The following PTK7 variants were observed in gnomAD, a reference collection of about 807,000 sequenced individuals.
PTK7 encodes the protein inactive tyrosine-protein kinase 7.
A neutral mutation model predicts 116.6 loss-of-function variants in PTK7; 39 were observed. The ratio of observed to expected loss-of-function variants is 0.33; its 90% confidence interval spans 0.26 to 0.44. The LOEUF is 0.44. PTK7 is among the 20% of genes least tolerant of loss of function. PTK7 has a pLI of 1.00. For missense variants in PTK7, 1,169 were observed against 1,425.6 expected (o/e 0.82, Z 2.90); for synonymous variants, 546 against 563.6 (o/e 0.97, Z 0.44).
At position 43,144,499 on chromosome 6, in the gene PTK7, T is replaced by A; in HGVS notation, c.2300T>A (p.Val767Glu). ...GQPSAEIQEEVALTSLGSGPA... is the reference protein window; with the variant it reads ...GQPSAEIQEEEALTSLGSGPA... The stretch of plus-strand genomic sequence containing the variant: ...CCCTCAGCAGAGATCCAAGAAGAAG[T>A]GGCCTTGACCAGCTTGGGCTCCGGC... The change falls in exon 15 of 20, where the codon GTG becomes GAG. Residue 767 changes from valine to glutamate, a missense_variant. By Grantham distance (121) the Val-to-Glu change is moderately radical (BLOSUM62 -2). This residue lies in a region of PTK7 where 678 missense variants were observed against 853.8 expected (regional missense o/e 0.79). Coordinates refer to ENST00000230419, the MANE Select transcript of PTK7 (RefSeq NM_002821.5). 6.2e-7 allele frequency: 1 copy of A among 1,614,118 alleles called. No homozygotes were observed. Among genetic ancestry groups the A allele is most frequent in the Non-Finnish European group, 8.5e-7 (1 of 1,180,020 alleles).
At chr6:43,157,593 A>G (rs2150482524) in intron 17 of PTK7, among the ~76,000 whole-genome samples, 2 of 151,760 alleles carry the variant, frequency 1.3e-5, no homozygotes, top group East Asian at 3.9e-4. Flanking sequence ...TAAAGATATC[A>G]TCTAAGATCA....
At chr6:43,158,317 G>A (rs918713674) in intron 17 of PTK7, among the ~76,000 whole-genome samples, 1 of 150,752 alleles carries the variant, frequency 6.6e-6, no homozygotes, top group Non-Finnish European at 1.5e-5. Flanking sequence ...AAAAAAAAAA[G>A]TAAGCTGGGC....
intron 1 of PTK7, among the ~76,000 whole-genome samples, chr6:43,081,538 G>A (rs898658420): frequency 6.6e-6 from 1 of 152,072 alleles, no homozygotes; most frequent in African/African-American, 2.4e-5. Context: ...CTGAGTACCT[G>A]GGTTTACAGG....
chr6:43,090,737 A>T (rs1490573966), intron 1 of PTK7, among the ~76,000 whole-genome samples: 1 of 152,150 alleles, frequency 6.6e-6, no homozygotes, highest in African/African-American at 2.4e-5. Context: ...TTGGTTGCCA[A>T]AGTATCAGAT....
intron 5 of PTK7, 99 bp from the exon 6 acceptor site, chr6:43,131,917 A>T: frequency 6.6e-7 from 1 of 1,509,646 alleles, no homozygotes; most frequent in South Asian, 1.1e-5. Context: ...TCGATTCCTT[A>T]CTACATTTCC....
At position 43,085,802 on chromosome 6, in the gene PTK7, G is replaced by T. The variant is rs185618459; in HGVS notation, c.79+9235G>T. Among the ~76,000 whole-genome samples, 332 of 151,838 alleles carry T rather than the reference G, an allele frequency of 2.2e-3. 1 individual carries two copies. The highest frequency in any genetic ancestry group is 7.4e-3 in the African/African-American group (305 of 41,450). ...TATAAAATTAGCCGGGTGTGGTGGCGCATGCCCGTAATCCCAGCTACTCAG... is the reference window on the plus strand; with the variant it reads ...TATAAAATTAGCCGGGTGTGGTGGCTCATGCCCGTAATCCCAGCTACTCAG... On this transcript the variant is annotated intron_variant, in intron 1 of 19. Coordinates refer to ENST00000230419, the MANE Select transcript of PTK7 (RefSeq NM_002821.5).
chr6:43,146,487 A>C (rs1314908096), intron 16 of PTK7, 131 bp from the exon 17 acceptor site: 1 of 736,882 alleles, frequency 1.4e-6, no homozygotes, highest in Non-Finnish European at 2.2e-6. Context: ...CCCCTGGGAA[A>C]GGGGCCCAGG....
chr6:43,151,210 T>TC (rs1771055977), intron 17 of PTK7, among the ~76,000 whole-genome samples: 1 of 115,886 alleles, frequency 8.6e-6, no homozygotes, highest in East Asian at 2.0e-4. Context: ...CCACCTGCCT[T>TC]CTTTTTTTTT....
chr6:43,114,030 C>T (rs1322543480), intron 1 of PTK7, among the ~76,000 whole-genome samples: 1 of 151,276 alleles, frequency 6.6e-6, no homozygotes, highest in Non-Finnish European at 1.5e-5. Context: ...TCTGGAGTCC[C>T]TGCGGCCCCA....
intron 1 of PTK7, among the ~76,000 whole-genome samples, chr6:43,107,429 C>A (rs996375522): frequency 1.3e-5 from 2 of 152,196 alleles, no homozygotes; most frequent in East Asian, 3.8e-4. Context: ...TTCTTTGTCT[C>A]GTTTCCTTAT....
intron 18 of PTK7, 123 bp downstream of exon 18, chr6:43,159,091 C>T (rs965623531): frequency 3.9e-6 from 5 of 1,270,132 alleles, no homozygotes; most frequent in East Asian, 2.4e-5. Context: ...GCTGGAGGGC[C>T]TGGGATAGGG....
At position 43,076,539 on chromosome 6, in the gene PTK7, C is replaced by T. The variant is rs755030722; in HGVS notation, c.51C>T (p.Leu17=). 1.3e-6 allele frequency: 2 copies of T among 1,578,398 alleles called. No homozygotes were observed. Among genetic ancestry groups the T allele is most frequent in the Non-Finnish European group, 1.7e-6 (2 of 1,167,406 alleles). ...CCAGACCCCGCCGGTTGCCTCTGCTCAGCGTCCTGCTGCTGCCGCTGCTGG... is the reference window on the plus strand; with the variant it reads ...CCAGACCCCGCCGGTTGCCTCTGCTTAGCGTCCTGCTGCTGCCGCTGCTGG... The part of the protein sequence containing the change: ...SPARPRRLPL[L]SVLLLPLLGG... The change falls in exon 1 of 20, where the codon CTC becomes CTT. Residue 17 remains leucine, a synonymous_variant. Transcript: ENST00000230419. The surrounding 1 kb of genome is among the most constrained non-coding windows in gnomAD (Gnocchi z 5.7).
At chr6:43,130,049 T>C (rs1280968470) in intron 3 of PTK7, among the ~76,000 whole-genome samples, 181 bp from the exon 4 acceptor site, 1 of 150,688 alleles carries the variant, frequency 6.6e-6, no homozygotes, top group African/African-American at 2.4e-5. Context: ...AGATCTAATA[T>C]CAACTTGATT....
At chr6:43,150,329 T>C (rs753035993) in intron 17 of PTK7, among the ~76,000 whole-genome samples, 6 of 152,164 alleles carry the variant, frequency 3.9e-5, no homozygotes, top group Non-Finnish European at 8.8e-5. Flanking sequence ...AACGGGTCTT[T>C]TATAACAGTA....
chr6:43,130,679 G>C lies in PTK7; in HGVS notation c.812+18G>C. On this transcript the variant is annotated intron_variant, in intron 5 of 19. Coordinates refer to ENST00000230419, the MANE Select transcript of PTK7 (RefSeq NM_002821.5). ...CGCAGTCGGTAAGGCATCTGGCTGG[G>C]AGCATTCCAGTACCATGTACCACAC... is the stretch of plus-strand genomic sequence containing the variant. The C allele has an allele frequency of 1.9e-6, 3 of 1,613,934 alleles. No individual in the cohort carries two copies. The highest frequency in any genetic ancestry group is 2.5e-6 in the Non-Finnish European group (3 of 1,179,868).
intron 17 of PTK7, among the ~76,000 whole-genome samples, chr6:43,147,726 C>T (rs557176514): frequency 6.6e-6 from 1 of 152,338 alleles, no homozygotes; most frequent in East Asian, 1.9e-4. Flanking sequence ...CTGGCCCCCT[C>T]TTATTACATG....
chr6:43,157,365 T>TATAAA (rs1554162298), intron 17 of PTK7, among the ~76,000 whole-genome samples: 30 of 26,896 alleles, frequency 1.1e-3, no homozygotes, highest in African/African-American at 4.2e-3. Flanking sequence ...TATATATATA[T>TATAAA]TTTTTTTTTT....
intron 17 of PTK7, among the ~76,000 whole-genome samples, chr6:43,157,339 TA>T (rs1561989996): frequency 0.014 from 56 of 4,078 alleles, 5 homozygotes; most frequent in Non-Finnish European, 0.029. Context: ...TATATATATA[TA>T]TATATATATA....
At chr6:43,114,232 A>G (rs902315479) in intron 1 of PTK7, among the ~76,000 whole-genome samples, 2 of 152,018 alleles carry the variant, frequency 1.3e-5, no homozygotes, top group South Asian at 2.1e-4. Flanking sequence ...CTGTCTCTCT[A>G]TGATTCTATG....
Sources: gnomAD v4.1 joint callset for allele counts (sites outside exome capture counted in the v4.1 genomes callset) on GRCh38, gnomAD v4.1.1 for gene constraint, gnomAD v4.1.1 regional missense constraint, Gnocchi (gnomAD v3.1) non-coding constraint, MANE v1.5 for transcripts, NCBI Gene and HGNC (gene_info 2026-07-23, HGNC 2026-07-21) for gene names.